The following PRKG1 variants were observed in gnomAD, a reference collection of about 807,000 sequenced individuals.
The protein encoded by PRKG1 is cGMP-dependent protein kinase 1.
Under a neutral mutation model 88.1 loss-of-function variants are expected in PRKG1, and 35 were observed. That is an observed-to-expected ratio of 0.40 (90% CI 0.30 to 0.53). The LOEUF (loss-of-function observed/expected upper bound fraction) is 0.53, where lower values mean the gene tolerates loss of function less well. PRKG1 is among the 20% of genes least tolerant of loss of function. The pLI is 0.59. For synonymous variants in PRKG1, 303 were observed against 292.5 expected (o/e 1.04, Z -0.37); for missense variants, 540 against 839.8 (o/e 0.64, Z 4.41).
At chr10:51,720,359 C>T (rs1012733927) in intron 3 of PRKG1, among the ~76,000 whole-genome samples, 1 of 152,264 alleles carries the variant, frequency 6.6e-6, no homozygotes, top group Non-Finnish European at 1.5e-5. Context: ...GGGTTATTTT[C>T]ACCTCTTAAA....
chr10:51,943,183 G>T (rs1842948769), intron 5 of PRKG1, among the ~76,000 whole-genome samples: 1 of 151,992 alleles, frequency 6.6e-6, no homozygotes, highest in Non-Finnish European at 1.5e-5. Flanking sequence ...CTTGGAAGTT[G>T]GATTCCTAGG....
At chr10:51,771,110 TG>T (rs2132545494) in intron 3 of PRKG1, among the ~76,000 whole-genome samples, 1 of 152,314 alleles carries the variant, frequency 6.6e-6, no homozygotes, top group Non-Finnish European at 1.5e-5. Flanking sequence ...TCTGTTAGTT[TG>T]GTGCAAAAGC....
chr10:51,360,325 A>G (rs1842452897), intron 2 of PRKG1, among the ~76,000 whole-genome samples: 1 of 151,888 alleles, frequency 6.6e-6, no homozygotes, highest in Non-Finnish European at 1.5e-5. Context: ...ACTTATGCAC[A>G]TAGGGGCTTT....
intron 7 of PRKG1, among the ~76,000 whole-genome samples, chr10:52,093,715 G>A (rs764336168): frequency 1.3e-5 from 2 of 152,068 alleles, no homozygotes; most frequent in Admixed American, 1.3e-4. Flanking sequence ...ACTTCCATTT[G>A]TTAGTGTAGG....
chr10:51,792,496 T>G (rs1342369376), intron 3 of PRKG1, among the ~76,000 whole-genome samples: 2 of 152,128 alleles, frequency 1.3e-5, no homozygotes, highest in African/African-American at 2.4e-5. Context: ...GATTTTCAAG[T>G]ACTTTAATTG....
chr10:51,950,007 T>C (rs1427060808), intron 5 of PRKG1, among the ~76,000 whole-genome samples: 1 of 152,218 alleles, frequency 6.6e-6, no homozygotes, highest in Admixed American at 6.5e-5. Context: ...ACAGTCTTTA[T>C]TGAGCTTCCT....
At chr10:51,602,848 A>G (rs891368399) in intron 3 of PRKG1, among the ~76,000 whole-genome samples, 1 of 151,808 alleles carries the variant, frequency 6.6e-6, no homozygotes, top group Admixed American at 6.6e-5. Flanking sequence ...GATTATATTT[A>G]TAATCATATG....
At chr10:51,114,176 A>G (rs1445680403) in intron 1 of PRKG1, among the ~76,000 whole-genome samples, 3 of 152,124 alleles carry the variant, frequency 2.0e-5, no homozygotes, top group Non-Finnish European at 4.4e-5. Flanking sequence ...CTTTAATACT[A>G]CATTGCTCCT....
intron 2 of PRKG1, among the ~76,000 whole-genome samples, chr10:51,435,579 T>G (rs1369951066): frequency 6.6e-6 from 1 of 151,902 alleles, no homozygotes; most frequent in Non-Finnish European, 1.5e-5. Flanking sequence ...CTTGGCCTCT[T>G]TTGTTTGAAA....
intron 1 of PRKG1, among the ~76,000 whole-genome samples, chr10:51,115,407 A>G (rs1315856942): frequency 5.5e-5 from 3 of 54,434 alleles, no homozygotes; most frequent in Non-Finnish European, 1.5e-4. Flanking sequence ...AAAGGGGGAG[A>G]GACAGAGAGA....
intron 5 of PRKG1, among the ~76,000 whole-genome samples, chr10:52,028,168 T>C (rs1436990196): frequency 1.3e-5 from 2 of 152,104 alleles, no homozygotes. Flanking sequence ...GCCCTCACAA[T>C]AGGAGATTCT....
intron 3 of PRKG1, among the ~76,000 whole-genome samples, chr10:51,685,874 C>T (rs1221033228): frequency 6.6e-6 from 1 of 152,058 alleles, no homozygotes; most frequent in Non-Finnish European, 1.5e-5. Context: ...CTCATTCTTT[C>T]CTGCCTCCTC....
At chr10:51,437,763 G>T (rs370324483) in intron 2 of PRKG1, among the ~76,000 whole-genome samples, 18 of 150,978 alleles carry the variant, frequency 1.2e-4, no homozygotes, top group African/African-American at 4.1e-4. Context: ...AAACAGAGGT[G>T]ACCTGCCTCT....
At chr10:51,894,510 T>C (rs1841796095) in intron 4 of PRKG1, among the ~76,000 whole-genome samples, 1 of 152,178 alleles carries the variant, frequency 6.6e-6, no homozygotes, top group Admixed American at 6.5e-5. Flanking sequence ...TTAATGCCAT[T>C]TAGCTGTATA....
At chr10:51,204,781 A>T (rs908088203) in intron 2 of PRKG1, among the ~76,000 whole-genome samples, 2 of 152,138 alleles carry the variant, frequency 1.3e-5, no homozygotes, top group Non-Finnish European at 2.9e-5. Flanking sequence ...GCATAGTGAG[A>T]TGTGAATGTG....
chr10:51,523,781 TAAA>T (rs1446893599), intron 3 of PRKG1, among the ~76,000 whole-genome samples: 2 of 152,146 alleles, frequency 1.3e-5, no homozygotes, highest in Non-Finnish European at 2.9e-5. Context: ...AAGTGGAAAA[TAAA>T]CACACATAAC....
intron 2 of PRKG1, among the ~76,000 whole-genome samples, chr10:51,212,207 C>A (rs1453785775): frequency 1.3e-5 from 2 of 151,780 alleles, no homozygotes; most frequent in Non-Finnish European, 1.5e-5. Context: ...GAAAAACAAG[C>A]AATGGGGAAA....
At chr10:51,975,422 A>G (rs1843807418) in intron 5 of PRKG1, among the ~76,000 whole-genome samples, 3 of 152,116 alleles carry the variant, frequency 2.0e-5, no homozygotes, top group Admixed American at 1.3e-4. Flanking sequence ...ATCAGAAAGC[A>G]GTAATCAAAA....
chr10:51,755,310 C>T (rs1837830723), intron 3 of PRKG1, among the ~76,000 whole-genome samples: 1 of 152,166 alleles, frequency 6.6e-6, no homozygotes, highest in Admixed American at 6.5e-5. Flanking sequence ...GTACTGATGG[C>T]TTACTAACTC....
Sources: gnomAD v4.1 joint callset for allele counts (sites outside exome capture counted in the v4.1 genomes callset) on GRCh38, gnomAD v4.1.1 for gene constraint, MANE v1.5 for transcripts, NCBI Gene and HGNC (gene_info 2026-07-23, HGNC 2026-07-21) for gene names.